Variants in DLGAP2 observed in about 807,000 individuals in gnomAD.
The protein encoded by DLGAP2 is disks large-associated protein 2.
Under a neutral mutation model 100.3 loss-of-function variants are expected in DLGAP2, and 26 were observed. The observed-to-expected ratio is 0.26, with a 90% CI of 0.19 to 0.36. DLGAP2 has a LOEUF of 0.36. Ranked by LOEUF, DLGAP2 falls within the 10% of genes least tolerant of loss-of-function variation. DLGAP2 has a pLI of 1.00. For synonymous variants in DLGAP2, 886 were observed against 630.1 expected (o/e 1.41, Z -6.08); for missense variants, 1,858 against 1,453.2 (o/e 1.28, Z -4.53).
intron 3 of DLGAP2, among the ~76,000 whole-genome samples, chr8:1,260,772 T>C (rs1799330754): frequency 6.6e-6 from 1 of 152,236 alleles, no homozygotes; most frequent in African/African-American, 2.4e-5. Flanking sequence ...TGGGATTGAC[T>C]CTAGAGGGGA....
intron 3 of DLGAP2, among the ~76,000 whole-genome samples, chr8:1,358,455 C>T (rs916730170): frequency 5.3e-5 from 8 of 152,116 alleles, no homozygotes; most frequent in Admixed American, 1.3e-4. Context: ...AGCTGTTTCT[C>T]CACACTCACA....
At chr8:1,696,093 C>A (rs760851543) in intron 13 of DLGAP2, among the ~76,000 whole-genome samples, 6 of 152,232 alleles carry the variant, frequency 3.9e-5, no homozygotes, top group Non-Finnish European at 5.9e-5. Flanking sequence ...TGAGTGTGCA[C>A]TGCTGAAACC....
chr8:1,380,908 G>C (rs1409977280), intron 3 of DLGAP2, among the ~76,000 whole-genome samples: 3 of 102,408 alleles, frequency 2.9e-5, no homozygotes, highest in Non-Finnish European at 5.4e-5. Flanking sequence ...TATCATCTCA[G>C]AACCGGTTAG....
chr8:1,066,332 G>A (rs572351340), intron 2 of DLGAP2, among the ~76,000 whole-genome samples: 3 of 151,238 alleles, frequency 2.0e-5, no homozygotes, highest in African/African-American at 2.4e-5. Flanking sequence ...AGGTCTGAGC[G>A]AGGGCAGCTC....
At chr8:1,197,339 T>C (rs1797773870) in intron 2 of DLGAP2, among the ~76,000 whole-genome samples, 3 of 152,204 alleles carry the variant, frequency 2.0e-5, no homozygotes, top group African/African-American at 7.2e-5. Flanking sequence ...CCCTCCCTCC[T>C]CTTCTGCTCA....
chr8:1,613,324 T>C (rs1250202897), intron 6 of DLGAP2, among the ~76,000 whole-genome samples: 2 of 148,128 alleles, frequency 1.4e-5, no homozygotes, highest in African/African-American at 5.0e-5. Context: ...TTCTCACTCA[T>C]AGGTGGGAAC....
chr8:1,447,404 G>A (rs896407458), intron 3 of DLGAP2, among the ~76,000 whole-genome samples: 10 of 152,204 alleles, frequency 6.6e-5, no homozygotes, highest in Admixed American at 2.0e-4. Flanking sequence ...ATTTGCATAT[G>A]TTGAACCATC....
At chr8:1,430,007 CAT>C (rs60682299) in intron 3 of DLGAP2, among the ~76,000 whole-genome samples, 1 of 54,380 alleles carries the variant, frequency 1.8e-5, no homozygotes, top group Non-Finnish European at 3.6e-5. Flanking sequence ...CATATATATA[CAT>C]ATATATATAT....
chr8:1,505,370 T>C (rs1799870107), intron 4 of DLGAP2, among the ~76,000 whole-genome samples: 1 of 152,248 alleles, frequency 6.6e-6, no homozygotes, highest in African/African-American at 2.4e-5. Context: ...TCTGGTCCTA[T>C]TTCAAAGCAT....
intron 2 of DLGAP2, among the ~76,000 whole-genome samples, chr8:984,405 A>G (rs1800428420): frequency 1.3e-5 from 2 of 152,240 alleles, no homozygotes; most frequent in African/African-American, 4.8e-5. Flanking sequence ...TACAGGGCTC[A>G]AAGCCCCTGC....
intron 4 of DLGAP2, among the ~76,000 whole-genome samples, chr8:1,515,245 G>A (rs1213583220): frequency 6.6e-6 from 1 of 152,196 alleles, no homozygotes; most frequent in African/African-American, 2.4e-5. Flanking sequence ...TCAGGGCCAA[G>A]GTGTCTTTCT....
In DLGAP2 at chr8:1,660,621, G is replaced by A. The variant is rs537898412; in HGVS notation, c.1811-7708G>A. Among the ~76,000 whole-genome samples the A allele has an allele frequency of 9.2e-5, 14 of 152,134 alleles. No individual in the cohort carries two copies. The East Asian group carries it at 2.1e-3, about 23-fold the overall frequency. On this transcript the variant is annotated intron_variant, in intron 8 of 14. Transcript: ENST00000637795. Reference sequence around the variant, plus strand: ...CTACAGTGTTTCCAATTCTTTAAACGCTACAGGTCAGTTATTTCTATTAAA... The same window carrying A: ...CTACAGTGTTTCCAATTCTTTAAACACTACAGGTCAGTTATTTCTATTAAA...
chr8:987,007 C>G (rs1296387485), intron 2 of DLGAP2, among the ~76,000 whole-genome samples: 2 of 152,160 alleles, frequency 1.3e-5, no homozygotes, highest in Non-Finnish European at 2.9e-5. Flanking sequence ...CAGTAATCCA[C>G]AAGGAGGAAG....
At chr8:1,337,455 G>GATGATGGTGATA in intron 3 of DLGAP2, among the ~76,000 whole-genome samples, 1 of 149,760 alleles carries the variant, frequency 6.7e-6, no homozygotes, top group Non-Finnish European at 1.5e-5. Context: ...TGGTGATGAT[G>GATGATGGTGATA]GTGAGAATGG....
intron 5 of DLGAP2, among the ~76,000 whole-genome samples, chr8:1,551,973 CCT>C (rs760835860): frequency 5.3e-5 from 8 of 152,148 alleles, no homozygotes; most frequent in Non-Finnish European, 1.0e-4. Context: ...CGAGGTTTCT[CCT>C]CTCTTTCCTC....
chr8:824,043 CTTTTTTTT>C (rs1796639678), intron 1 of DLGAP2, among the ~76,000 whole-genome samples: 1 of 82,082 alleles, frequency 1.2e-5, no homozygotes, highest in African/African-American at 6.9e-5. Context: ...TTTTCTTCTT[CTTTTTTTT>C]CTTCTTCTTC....
intron 4 of DLGAP2, among the ~76,000 whole-genome samples, chr8:1,524,816 G>A (rs188145871): frequency 5.3e-5 from 8 of 152,150 alleles, no homozygotes; most frequent in Admixed American, 2.0e-4. Context: ...AGGTCCTTCC[G>A]TCTGCATCAC....
chr8:1,457,972 G>C (rs1798362224), intron 3 of DLGAP2, among the ~76,000 whole-genome samples: 2 of 66,916 alleles, frequency 3.0e-5, no homozygotes, highest in Admixed American at 3.5e-4. Context: ...TCTGTTCTCT[G>C]ATCATATATA....
At chr8:1,031,125 C>T (rs1005425052) in intron 2 of DLGAP2, among the ~76,000 whole-genome samples, 7 of 152,332 alleles carry the variant, frequency 4.6e-5, no homozygotes, top group African/African-American at 1.4e-4. Context: ...TTGCGTCTTA[C>T]GAGTTCCACT....
Sources: allele counts gnomAD v4.1 joint callset (sites outside exome capture counted in the v4.1 genomes callset), GRCh38; gene constraint gnomAD v4.1.1; transcripts MANE v1.5; gene names NCBI Gene and HGNC (gene_info 2026-07-23, HGNC 2026-07-21).